The following IRS1 variants were observed in gnomAD, a reference collection of about 807,000 sequenced individuals.
The protein encoded by IRS1 is insulin receptor substrate 1.
A neutral mutation model predicts 65.6 loss-of-function variants in IRS1; 34 were observed. The observed-to-expected ratio is 0.52, with a 90% CI of 0.39 to 0.69. IRS1 has a LOEUF of 0.69. Among genes scored for constraint, IRS1 ranks in the 30% least tolerant of loss-of-function variants. The pLI is 0.00. For synonymous variants in IRS1, 699 were observed against 683.5 expected, an observed-to-expected ratio of 1.02 and a Z score of -0.35; for missense variants, 1,641 against 1,720.2, an observed-to-expected ratio of 0.95 and a Z score of 0.81.
At position 226,798,222 on chromosome 2, in the gene IRS1, G is replaced by A. The variant is rs1574667194; in HGVS notation, c.517C>T (p.Leu173=). 1.2e-6 allele frequency: 2 copies of A among 1,613,820 alleles called. No homozygotes were observed. Among genetic ancestry groups the A allele is most frequent in the Non-Finnish European group, 1.7e-6 (2 of 1,180,004 alleles). ...VWQVILKPKG[L]GQTKNLIGIY... is the part of the protein sequence containing the mutation. The stretch of plus-strand genomic sequence containing the variant: ...CCAATCAGGTTCTTTGTCTGACCCA[G>A]GCCCTTGGGCTTCAGGATCACTTGC... The change falls in exon 1 of 2, where the codon CTG becomes TTG. Residue 173 remains leucine (L), a synonymous_variant. Transcript: ENST00000305123. The surrounding 1 kb of genome is among the most constrained non-coding windows in gnomAD (Gnocchi z 9.4).
Position 226,796,344 on chromosome 2 carries a change from G to T in IRS1, c.2395C>A (p.Leu799Ile), listed in dbSNP as rs1451665637. ...LRLSTSSGRL[L>I]YAATADDSSS... ...GAATCATCTGCTGTTGCAGCATAGA[G>T]AAGGCGACCAGAGCTAGTGGAAAGG... Residue 799 changes from leucine (L) to isoleucine (I), a missense_variant, in exon 1 of 2, where the codon CTC becomes ATC. This residue lies in a region of IRS1 where 1,324 missense variants were observed against 1,361.0 expected (regional missense o/e 0.97). Coordinates refer to ENST00000305123, the MANE Select transcript of IRS1 (RefSeq NM_005544.3). The T allele has an allele frequency of 6.2e-7, 1 of 1,613,348 alleles. No homozygotes were observed. The highest frequency in any genetic ancestry group is 8.5e-7 in the Non-Finnish European group (1 of 1,180,032).
At chr2:226,782,116 A>C (rs1362498193) in intron 1 of IRS1, among the ~76,000 whole-genome samples, 1 of 152,038 alleles carries the variant, frequency 6.6e-6, no homozygotes, top group East Asian at 1.9e-4. Context: ...GGAATTGGGA[A>C]GGGGGGCAGA....
chr2:226,751,274 ATTTTTT>A (rs35699614), intron 1 of IRS1, among the ~76,000 whole-genome samples: 21 of 77,550 alleles, frequency 2.7e-4, no homozygotes, highest in African/African-American at 9.4e-4. Flanking sequence ...CCACACGGGT[ATTTTTT>A]TTTTTTTTTT....
intron 1 of IRS1, among the ~76,000 whole-genome samples, chr2:226,791,080 G>A (rs1043287543): frequency 2.6e-5 from 4 of 152,188 alleles, no homozygotes; most frequent in African/African-American, 9.7e-5. Flanking sequence ...CAGCCCAGGA[G>A]GATGCGTTTT....
intron 1 of IRS1, among the ~76,000 whole-genome samples, chr2:226,747,205 G>C (rs1390791746): frequency 1.3e-5 from 2 of 152,124 alleles, no homozygotes; most frequent in Non-Finnish European, 2.9e-5. Flanking sequence ...TAAACAGGTA[G>C]TGACAACTTT....
intron 1 of IRS1, among the ~76,000 whole-genome samples, chr2:226,776,012 C>G (rs1257422743): frequency 5.9e-5 from 9 of 151,870 alleles, no homozygotes; most frequent in Non-Finnish European, 1.3e-4. Context: ...AGAGGGCAGA[C>G]TGTACATTCT....
At position 226,796,900 on chromosome 2, in the gene IRS1, C is replaced by A; in HGVS notation, c.1839G>T (p.Met613Ile). ...SSTLHTDDGY[M>I]PMSPGVAPVP... ...CTGGGGCCACCCCTGGGGACATGGG[C>A]ATGTAGCCATCATCCGTGTGGAGGG... The change falls in exon 1 of 2, where the codon ATG becomes ATT. Residue 613 changes from methionine to isoleucine, a missense_variant. Around this residue, in one of 3 missense-constraint regions of IRS1, gnomAD observed 1,324 missense variants for 1,361.0 expected, o/e 0.97. Coordinates refer to ENST00000305123, the MANE Select transcript of IRS1 (RefSeq NM_005544.3). The A allele has an allele frequency of 6.5e-7, 1 of 1,542,048 alleles. No individual in the cohort carries two copies.
rs973649983 is a variant in IRS1, at chr2:226,795,104, C to T, written c.3635G>A (p.Gly1212Asp). The change falls in exon 1 of 2, where the codon GGC becomes GAC. Residue 1212 changes from glycine to aspartate, a missense_variant. This residue lies in a region of IRS1 where 1,324 missense variants were observed against 1,361.0 expected (regional missense o/e 0.97). Coordinates refer to ENST00000305123, the MANE Select transcript of IRS1 (RefSeq NM_005544.3). The stretch of plus-strand genomic sequence containing the variant: ...GCGGGTGGAGCTGCTCTCACCGCTG[C>T]CCAGGGGTTGATGAGGGGGTGGGGG... ...PPPPPPHQPL[G>D]SGESSSTRRS... The T allele has an allele frequency of 1.3e-6, 2 of 1,506,588 alleles. No homozygotes were observed. Among genetic ancestry groups the T allele is most frequent in the African/African-American group, 2.9e-5 (2 of 68,802 alleles). 93.3% of individuals were successfully genotyped at this position (1,506,588 alleles called of 1,614,324 possible).
At chr2:226,772,442 G>A (rs1574653652) in intron 1 of IRS1, among the ~76,000 whole-genome samples, 1 of 152,084 alleles carries the variant, frequency 6.6e-6, no homozygotes, top group Admixed American at 6.5e-5. Context: ...GTCCATGATG[G>A]TTCTATACTT....
chr2:226,773,894 T>G (rs1050208059), intron 1 of IRS1, among the ~76,000 whole-genome samples: 1 of 152,210 alleles, frequency 6.6e-6, no homozygotes, highest in Non-Finnish European at 1.5e-5. Context: ...TGTTGAGTGT[T>G]GAAAGACTGT....
chr2:226,763,810 A>G (rs1344856261), intron 1 of IRS1, among the ~76,000 whole-genome samples: 1 of 152,172 alleles, frequency 6.6e-6, no homozygotes, highest in Non-Finnish European at 1.5e-5. Flanking sequence ...ACAAACAAAC[A>G]ATAACTGACT....
rs1264972401 is a variant in IRS1, at chr2:226,798,088, C to T, written c.651G>A (p.Ser217=). The change falls in exon 1 of 2, where the codon TCG becomes TCA. Residue 217 remains serine (S), a synonymous_variant. Coordinates refer to ENST00000305123, the MANE Select transcript of IRS1 (RefSeq NM_005544.3). The surrounding 1 kb of genome is among the most constrained non-coding windows in gnomAD (Gnocchi z 9.4). ...CCACCTCGATGAAGAAGAAGTTTTCCGAGTGGCCACAGCGCCTGATGTTCA... is the reference window on the plus strand; with the variant it reads ...CCACCTCGATGAAGAAGAAGTTTTCTGAGTGGCCACAGCGCCTGATGTTCA... ...QLMNIRRCGH[S]ENFFFIEVGR... 7 of 1,613,892 alleles carry T rather than the reference C, an allele frequency of 4.3e-6. No homozygotes were observed. Among genetic ancestry groups the T allele is most frequent in the Middle Eastern group, 1.6e-4 (1 of 6,084 alleles).
chr2:226,788,055 C>T lies in IRS1; in HGVS notation c.*21+6934G>A, dbSNP rs557907601. ...ACGTCTCTTTGATCATTTCAACAAA[C>T]GTGAGAAAACTTCTCAAGATTAAGT... On this transcript the variant is annotated intron_variant, in intron 1 of 1. Transcript: ENST00000305123. Among the ~76,000 whole-genome samples, 10 of 151,370 alleles carry T rather than the reference C, an allele frequency of 6.6e-5. No homozygotes were observed. In the South Asian group the frequency reaches 1.7e-3, roughly 25 times the overall value.
intron 1 of IRS1, among the ~76,000 whole-genome samples, chr2:226,752,190 G>A (rs1014150160): frequency 2.6e-5 from 4 of 152,142 alleles, no homozygotes; most frequent in East Asian, 1.9e-4. Context: ...GAAAGATCCC[G>A]AAGCAGCACA....
chr2:226,796,242 G>T lies in IRS1; in HGVS notation c.2497C>A (p.His833Asn), dbSNP rs202208462. The change falls in exon 1 of 2, where the codon CAC (histidine) becomes AAC (asparagine). Residue 833 changes from histidine to asparagine, a missense_variant. His to Asn is a moderately conservative substitution (Grantham distance 68, BLOSUM62 1). Transcript: ENST00000305123. The part of the protein sequence containing the change: ...ARLEPSLPHP[H>N]HQVLQPHLPR... ...AGATGGGGCTGCAGAACCTGATGGT[G>T]GGGATGTGGAAGGCTGGGCTCCAGC... 5.0e-6 allele frequency: 8 copies of T among 1,613,474 alleles called. No individual in the cohort carries two copies. Among genetic ancestry groups the T allele is most frequent in the Non-Finnish European group, 6.8e-6 (8 of 1,179,932 alleles).
At chr2:226,761,760 C>T (rs958420265) in intron 1 of IRS1, among the ~76,000 whole-genome samples, 16 of 145,794 alleles carry the variant, frequency 1.1e-4, no homozygotes, top group African/African-American at 3.5e-4. Context: ...GGAAGAGTTC[C>T]CTAACATAAT....
At chr2:226,783,350 A>C (rs915933361) in intron 1 of IRS1, among the ~76,000 whole-genome samples, 1 of 152,146 alleles carries the variant, frequency 6.6e-6, no homozygotes, top group Non-Finnish European at 1.5e-5. Context: ...CTGCCCCTAC[A>C]TTTACGGTAG....
intron 1 of IRS1, among the ~76,000 whole-genome samples, chr2:226,763,824 G>C (rs1938970507): frequency 6.6e-6 from 1 of 152,006 alleles, no homozygotes; most frequent in Non-Finnish European, 1.5e-5. Context: ...ACTGACTTTT[G>C]AATCAAATTT....
intron 1 of IRS1, among the ~76,000 whole-genome samples, chr2:226,774,825 G>A (rs978292201): frequency 1.3e-5 from 2 of 152,118 alleles, no homozygotes; most frequent in Admixed American, 6.5e-5. Flanking sequence ...CTAAGTAAAC[G>A]AAGCCAGCCT....
Sources: gnomAD v4.1 joint callset for allele counts (sites outside exome capture counted in the v4.1 genomes callset) on GRCh38, gnomAD v4.1.1 for gene constraint, gnomAD v4.1.1 regional missense constraint, Gnocchi (gnomAD v3.1) non-coding constraint, MANE v1.5 for transcripts, NCBI Gene and HGNC (gene_info 2026-07-23, HGNC 2026-07-21) for gene names.